The following CPS1 variants were observed in gnomAD, a reference collection of about 807,000 sequenced individuals.
CPS1 encodes the protein carbamoyl-phosphate synthase 1.
Under a neutral mutation model 174.6 loss-of-function variants are expected in CPS1, and 109 were observed. The ratio of observed to expected loss-of-function variants is 0.62; its 90% CI spans 0.53 to 0.73. CPS1 has a LOEUF of 0.73. Ranked by LOEUF, CPS1 falls within the 30% of genes least tolerant of loss-of-function variation. The pLI, the probability that CPS1 is intolerant of heterozygous loss-of-function variation, is 0.00. For missense variants in CPS1, 1,689 were observed against 1,821.9 expected (o/e 0.93, Z 1.33); for synonymous variants, 637 against 632.0 (o/e 1.01, Z -0.12).
At chr2:210,519,069 G>T (rs1000233086) in intron 1 of CPS1, among the ~76,000 whole-genome samples, 5 of 152,016 alleles carry the variant, frequency 3.3e-5, no homozygotes, top group Non-Finnish European at 5.9e-5. Context: ...ACAATCTTAA[G>T]TTTCTTGATG....
intron 1 of CPS1, among the ~76,000 whole-genome samples, chr2:210,520,264 G>A (rs1018746983): frequency 1.8e-4 from 27 of 151,856 alleles, no homozygotes; most frequent in Admixed American, 5.3e-4. Context: ...TATTACCAGA[G>A]TCAAGATAGT....
In CPS1 at chr2:210,642,645, C is replaced by A. The variant is rs146064786; in HGVS notation, c.3121C>A (p.Leu1041Ile). 1.9e-6 allele frequency: 3 copies of A among 1,613,590 alleles called. No individual in the cohort carries two copies. The highest frequency in any genetic ancestry group is 2.2e-5 in the South Asian group (2 of 91,044). The change falls in exon 25 of 38, where the codon CTA becomes ATA. Residue 1041 changes from leucine to isoleucine, a missense_variant. Physicochemically the swap from Leu to Ile is conservative, Grantham distance 5 (BLOSUM62 2). Coordinates refer to ENST00000233072, the MANE Select transcript of CPS1 (RefSeq NM_001875.5). ...YFEELSLERI[L>I]DIYHQEACGG... ...TGAAGAGTTGTCCTTGGAGAGAATC[C>A]TAGACATCTACCATCAGGAGGTAAG...
intron 21 of CPS1, among the ~76,000 whole-genome samples, chr2:210,629,020 A>G (rs2105884498): frequency 6.6e-6 from 1 of 152,274 alleles, no homozygotes; most frequent in East Asian, 1.9e-4. Context: ...ACAAATTGTA[A>G]AACATCAAAG....
intron 21 of CPS1, among the ~76,000 whole-genome samples, chr2:210,624,116 A>T (rs900809237): frequency 4.6e-5 from 7 of 152,120 alleles, no homozygotes; most frequent in African/African-American, 1.7e-4. Context: ...ATTATTTTGG[A>T]TATAGAAATG....
At chr2:210,520,504 C>T (rs1695792170) in intron 1 of CPS1, among the ~76,000 whole-genome samples, 1 of 151,970 alleles carries the variant, frequency 6.6e-6, no homozygotes, top group Non-Finnish European at 1.5e-5. Context: ...TGATGTTCCC[C>T]TCCCTGTGTC....
At chr2:210,578,170 G>GC (rs1206295201) in intron 4 of CPS1, among the ~76,000 whole-genome samples, 5 of 151,920 alleles carry the variant, frequency 3.3e-5, no homozygotes, top group African/African-American at 1.2e-4. Flanking sequence ...GTGCAATGGG[G>GC]CAATCTCAGC....
rs115795225 is a variant in CPS1, at chr2:210,597,683, G to A, written c.1360-1689G>A. Among the ~76,000 whole-genome samples, 1,294 of 151,746 alleles carry A rather than the reference G, an allele frequency of 8.5e-3. 18 individuals carry two copies. Among genetic ancestry groups the A allele is most frequent in the African/African-American group, 0.03 (1,244 of 41,394 alleles). On this transcript the variant is annotated intron_variant, in intron 13 of 37. Coordinates refer to ENST00000233072, the MANE Select transcript of CPS1 (RefSeq NM_001875.5). ...ATGTATGAAATAATTAGAACCATCT[G>A]GCTGTATGTTATAATAATTATTTTG...
chr2:210,643,218 A>G (rs542458023), intron 25 of CPS1, among the ~76,000 whole-genome samples: 1 of 152,182 alleles, frequency 6.6e-6, no homozygotes, highest in Non-Finnish European at 1.5e-5. Context: ...GCTTTCACTT[A>G]CAGTTGTTCC....
chr2:210,568,323 G>A (rs1205879832), intron 1 of CPS1, among the ~76,000 whole-genome samples: 1 of 152,092 alleles, frequency 6.6e-6, no homozygotes, highest in Non-Finnish European at 1.5e-5. Context: ...GAGCGAGCCA[G>A]ATGAGAGGAC....
chr2:210,569,392 A>G (rs950372400), intron 1 of CPS1, among the ~76,000 whole-genome samples: 1 of 152,062 alleles, frequency 6.6e-6, no homozygotes, highest in Admixed American at 6.6e-5. Context: ...AAAATTTGGC[A>G]AGTTTTTTTA....
intron 8 of CPS1, 72 bp downstream of exon 8, chr2:210,590,306 T>C (rs1698251728): frequency 6.2e-7 from 1 of 1,600,832 alleles, no homozygotes; most frequent in Non-Finnish European, 8.6e-7. Context: ...CTCAAAGGGC[T>C]GTGATACATT....
intron 30 of CPS1, chr2:210,658,340 G>A (rs1574651532): frequency 4.9e-6 from 2 of 407,358 alleles, no homozygotes; most frequent in Admixed American, 7.1e-5. Context: ...ATAATTGTAG[G>A]TAGATAGGGG....
intron 21 of CPS1, chr2:210,618,471 CACGG>C (rs1699392931): frequency 3.9e-5 from 6 of 152,000 alleles, no homozygotes; most frequent in Non-Finnish European, 7.4e-5. Flanking sequence ...ACAGATGATC[CACGG>C]CGTTAGCAAA....
At chr2:210,632,874 A>C (rs1270251962) in intron 21 of CPS1, among the ~76,000 whole-genome samples, 1 of 152,266 alleles carries the variant, frequency 6.6e-6, no homozygotes, top group Non-Finnish European at 1.5e-5. Flanking sequence ...GAATGTACTA[A>C]TATACCATTT....
chr2:210,589,077 A>G (rs6435578), intron 7 of CPS1, among the ~76,000 whole-genome samples: 98,127 of 151,838 alleles, frequency 0.65, 32,851 homozygotes, highest in African/African-American at 0.83. Context: ...AGCACAGAAA[A>G]AGCCAGTGTT....
Position 210,677,879 on chromosome 2 carries a change from A to C in CPS1, c.4405-8A>C, listed in dbSNP as rs1559142600. The stretch of plus-strand genomic sequence containing the variant: ...GGAGGGTGCTGATTCCTACCATTAT[A>C]TTTTCAGGTGACCAAACTTTTTGCT... On this transcript the variant is annotated splice_region_variant and splice_polypyrimidine_tract_variant and intron_variant, in intron 37 of 37. Transcript: ENST00000233072. 6.2e-7 allele frequency: 1 copy of C among 1,608,886 alleles called. No homozygotes were observed. Among genetic ancestry groups the C allele is most frequent in the African/African-American group, 1.3e-5 (1 of 74,790 alleles).
rs1326462898 is a variant in CPS1, at chr2:210,551,254, A to G, written c.4-5465A>G. Among the ~76,000 whole-genome samples, 3 of 152,104 alleles carry G rather than the reference A, an allele frequency of 2.0e-5. No individual in the cohort carries two copies. The East Asian group carries it at 5.8e-4, about 29-fold the overall frequency. On this transcript the variant is annotated intron_variant, in intron 1 of 38. Coordinates refer to the CPS1 transcript ENST00000430249. ...GAATTCTGAATCAACTTTCTAAGGC[A>G]TTTCCCACTGTTCTTCTCATTTCAC...
In CPS1 at chr2:210,564,514, T is replaced by C. The variant is rs545337539; in HGVS notation, c.126+7655T>C. ...CCTCAGCCTCCCGAGTAGCTGGGACTACAGGTGCCTGCCACCACGCCTGGC... is the reference window on the plus strand; with the variant it reads ...CCTCAGCCTCCCGAGTAGCTGGGACCACAGGTGCCTGCCACCACGCCTGGC... On this transcript the variant is annotated intron_variant, in intron 1 of 37. Coordinates refer to ENST00000233072, the MANE Select transcript of CPS1 (RefSeq NM_001875.5). Among the ~76,000 whole-genome samples the C allele has an allele frequency of 8.5e-5, 13 of 152,224 alleles. No individual in the cohort carries two copies. In the East Asian group the frequency reaches 2.5e-3, roughly 30 times the overall value.
Position 210,508,279 on chromosome 2 carries a change from CT to C in CPS1, c.3+30514del, listed in dbSNP as rs576796704. ...TGAACAACCTGCTCCTGAGTGACTA[CT>C]GGGTACATAATGAAATGAAGGCAGA... On this transcript the variant is annotated intron_variant, in intron 1 of 38. Transcript: ENST00000430249. 4.0e-3 allele frequency among the ~76,000 whole-genome samples: 604 copies of C among 152,038 alleles called. 5 individuals are homozygous for C. The highest frequency in any genetic ancestry group is 0.014 in the African/African-American group (575 of 41,452).
Sources: gnomAD v4.1 joint callset for allele counts (sites outside exome capture counted in the v4.1 genomes callset) on GRCh38, gnomAD v4.1.1 for gene constraint, MANE v1.5 for transcripts, NCBI Gene and HGNC (gene_info 2026-07-23, HGNC 2026-07-21) for gene names.